TENM2: variants seen among roughly 807,000 people sequenced by gnomAD.
TENM2 encodes teneurin-2.
TENM2 carries 52 observed loss-of-function variants against 245.2 expected under a neutral mutation model. The ratio of observed to expected loss-of-function variants is 0.21; its 90% CI spans 0.17 to 0.27. The LOEUF (loss-of-function observed/expected upper bound fraction) is 0.27, where lower values mean the gene tolerates loss of function less well. Among genes scored for constraint, TENM2 ranks in the 10% least tolerant of loss-of-function variants. The probability of loss-of-function intolerance (pLI) is 1.00; values close to 1 mark genes in which losing one functional copy is unlikely to be tolerated. For missense variants in TENM2, 3,046 were observed against 3,666.8 expected, an observed-to-expected ratio of 0.83 and a Z score of 4.37; for synonymous variants, 1,363 against 1,438.9, an observed-to-expected ratio of 0.95 and a Z score of 1.19.
At chr5:167,110,987 C>G in the TENM2 span, among the ~76,000 whole-genome samples, 4,288 of 152,206 alleles carry the variant, frequency 0.028, 204 homozygotes, top group African/African-American at 0.097. Context: ...TGAGTTCTCT[C>G]TCTCTCTTTT....
chr5:166,994,834 T>C, the TENM2 span, among the ~76,000 whole-genome samples: 1 of 152,132 alleles, frequency 6.6e-6, no homozygotes, highest in African/African-American at 2.4e-5. Context: ...GCTCTTCACC[T>C]CGAGGTCTAC....
intron 1 of TENM2, among the ~76,000 whole-genome samples, chr5:167,313,064 G>A (rs1257827601): frequency 6.6e-6 from 1 of 151,898 alleles, no homozygotes; most frequent in Non-Finnish European, 1.5e-5. Flanking sequence ...CACCACTCAT[G>A]GCTAATTTTT....
At chr5:168,208,461 A>C (rs1192378989) in intron 19 of TENM2, among the ~76,000 whole-genome samples, 2 of 152,166 alleles carry the variant, frequency 1.3e-5, no homozygotes, top group African/African-American at 4.8e-5. Context: ...GGCGGGGGGA[A>C]AGTGGGAGCC....
At chr5:167,661,680 A>C (rs193227393) in intron 2 of TENM2, among the ~76,000 whole-genome samples, 1 of 152,350 alleles carries the variant, frequency 6.6e-6, no homozygotes, top group Non-Finnish European at 1.5e-5. Context: ...TAAATACTAA[A>C]AAGTGATTTA....
chr5:167,269,505 T>G, the TENM2 span, among the ~76,000 whole-genome samples: 4 of 150,870 alleles, frequency 2.7e-5, no homozygotes, highest in Non-Finnish European at 5.9e-5. Context: ...ATATGCTTAC[T>G]CATAATAGTA....
At chr5:168,041,331 C>T (rs974964529) in intron 5 of TENM2, among the ~76,000 whole-genome samples, 35 of 151,858 alleles carry the variant, frequency 2.3e-4, no homozygotes, top group African/African-American at 7.3e-4. Flanking sequence ...AAAAAGTAAA[C>T]GTTCATCTTC....
the TENM2 span, among the ~76,000 whole-genome samples, chr5:167,088,998 C>T: frequency 6.6e-6 from 1 of 152,200 alleles, no homozygotes; most frequent in Non-Finnish European, 1.5e-5. Context: ...GACGCAGTTT[C>T]GTTTAGTGAG....
chr5:168,149,482 C>T, intron 12 of TENM2: 1 of 440,110 alleles, frequency 2.3e-6, no homozygotes, highest in Non-Finnish European at 4.5e-6. Context: ...TTTTGTGTCT[C>T]TAAAGCCTTC....
chr5:167,799,307 A>G (rs1299783878), intron 2 of TENM2, among the ~76,000 whole-genome samples: 2 of 152,214 alleles, frequency 1.3e-5, no homozygotes, highest in Non-Finnish European at 2.9e-5. Flanking sequence ...TGAAGAAGTT[A>G]TTCCATTTCC....
chr5:166,983,867 T>C, the TENM2 span, among the ~76,000 whole-genome samples: 1 of 152,120 alleles, frequency 6.6e-6, no homozygotes, highest in African/African-American at 2.4e-5. Context: ...CAGTGTACTC[T>C]TCCATCTCTA....
intron 13 of TENM2, among the ~76,000 whole-genome samples, chr5:168,175,115 G>A (rs915461427): frequency 2.0e-5 from 3 of 152,136 alleles, no homozygotes; most frequent in East Asian, 1.9e-4. Context: ...AGGACCTAAC[G>A]TGTCTGAGAC....
At chr5:167,820,597 G>A (rs149305586) in intron 2 of TENM2, among the ~76,000 whole-genome samples, 9 of 152,280 alleles carry the variant, frequency 5.9e-5, no homozygotes, top group South Asian at 2.1e-4. Context: ...GGATGGCTCC[G>A]GCTAAGATTG....
chr5:167,011,205 G>A, the TENM2 span, among the ~76,000 whole-genome samples: 51,624 of 152,092 alleles, frequency 0.34, 9,929 homozygotes, highest in Non-Finnish European at 0.45. Flanking sequence ...ACAAGCAAAT[G>A]GTTAACACCA....
At chr5:168,123,491 G>A (rs1795625498) in intron 10 of TENM2, among the ~76,000 whole-genome samples, 3 of 152,218 alleles carry the variant, frequency 2.0e-5, no homozygotes, top group South Asian at 4.1e-4. Context: ...ATTGTGGAAG[G>A]AGAGAAAACA....
intron 27 of TENM2, among the ~76,000 whole-genome samples, chr5:168,256,059 C>T (rs1054139461): frequency 6.6e-6 from 1 of 152,006 alleles, no homozygotes; most frequent in Non-Finnish European, 1.5e-5. Context: ...CCGCCTCGGC[C>T]TCCCAAAGTG....
At chr5:167,207,898 C>T in the TENM2 span, among the ~76,000 whole-genome samples, 4 of 152,240 alleles carry the variant, frequency 2.6e-5, no homozygotes, top group African/African-American at 9.6e-5. Context: ...AGATTATAGG[C>T]ACGCGCCAAT....
chr5:167,864,413 C>G (rs530216762), intron 2 of TENM2, among the ~76,000 whole-genome samples: 1 of 152,310 alleles, frequency 6.6e-6, no homozygotes, highest in East Asian at 1.9e-4. Context: ...GATAATAACA[C>G]ATACCATTTA....
chr5:168,182,925 C>T (rs934302231), intron 13 of TENM2, among the ~76,000 whole-genome samples: 4 of 150,458 alleles, frequency 2.7e-5, no homozygotes, highest in Non-Finnish European at 5.9e-5. Context: ...CCGCCTCCCG[C>T]GTTCAAGCGA....
chr5:167,125,173 A>G, the TENM2 span, among the ~76,000 whole-genome samples: 1 of 152,232 alleles, frequency 6.6e-6, no homozygotes, highest in African/African-American at 2.4e-5. Context: ...CAGTAGAGAC[A>G]TGGAGAATGT....
Sources: allele counts gnomAD v4.1 joint callset (sites outside exome capture counted in the v4.1 genomes callset), GRCh38; gene constraint gnomAD v4.1.1; transcripts MANE v1.5; gene names NCBI Gene and HGNC (gene_info 2026-07-23, HGNC 2026-07-21).